The following GMDS variants were observed in gnomAD, a reference collection of about 807,000 sequenced individuals.
The protein encoded by GMDS is GDP-mannose 4,6-dehydratase.
GMDS carries 20 observed loss-of-function variants against 49.9 expected under a neutral mutation model. The observed-to-expected ratio is 0.40, with a 90% CI of 0.28 to 0.58. The LOEUF is 0.58. Ranked by LOEUF, GMDS falls within the 20% of genes least tolerant of loss-of-function variation. The pLI is 0.42. For synonymous variants in GMDS, 177 were observed against 178.6 expected, an observed-to-expected ratio of 0.99 and a Z score of 0.07; for missense variants, 362 against 481.4, an observed-to-expected ratio of 0.75 and a Z score of 2.32.
intron 7 of GMDS, among the ~76,000 whole-genome samples, chr6:1,890,211 T>C (rs1190982185): frequency 6.6e-6 from 1 of 152,100 alleles, no homozygotes; most frequent in East Asian, 1.9e-4. Flanking sequence ...GGTTCCAACA[T>C]CTCCACGTCA....
At position 2,144,138 on chromosome 6, in the gene GMDS, C is replaced by T. The variant is rs1776438301; in HGVS notation, c.103-19407G>A. Among the ~76,000 whole-genome samples the T allele has an allele frequency of 3.9e-5, 6 of 152,112 alleles. No individual in the cohort carries two copies. The South Asian group carries it at 1.2e-3, about 32-fold the overall frequency. On this transcript the variant is annotated intron_variant, in intron 1 of 10. Transcript: ENST00000380815. ...CTTTAGGGAGGGTCCCATAATTATC[C>T]CAATTTTAAGGATGAGGAAATAAAG...
chr6:1,732,720 A>C (rs1472486245), intron 8 of GMDS, among the ~76,000 whole-genome samples: 1 of 152,244 alleles, frequency 6.6e-6, no homozygotes, highest in Non-Finnish European at 1.5e-5. Context: ...GAGCACCCCA[A>C]ACAGCAGAGC....
intron 9 of GMDS, among the ~76,000 whole-genome samples, chr6:1,666,928 C>T (rs1581432581): frequency 6.6e-6 from 1 of 152,200 alleles, no homozygotes; most frequent in Non-Finnish European, 1.5e-5. Flanking sequence ...TAATGGAGCA[C>T]CCTCTGGGGG....
At chr6:2,114,569 T>C (rs1375952681) in intron 4 of GMDS, among the ~76,000 whole-genome samples, 1 of 152,184 alleles carries the variant, frequency 6.6e-6, no homozygotes, top group Non-Finnish European at 1.5e-5. Flanking sequence ...TTTCACAGAC[T>C]TTGGTGAAAG....
At chr6:1,841,259 A>T (rs1206290658) in intron 7 of GMDS, among the ~76,000 whole-genome samples, 1 of 152,224 alleles carries the variant, frequency 6.6e-6, no homozygotes, top group Non-Finnish European at 1.5e-5. Context: ...CTCTCAGAAC[A>T]TCCCAAAATA....
intron 1 of GMDS, among the ~76,000 whole-genome samples, chr6:2,156,292 A>G (rs1180354295): frequency 2.6e-5 from 4 of 152,170 alleles, no homozygotes; most frequent in Non-Finnish European, 4.4e-5. Context: ...TGTCACTCAA[A>G]AAAACACCTT....
chr6:1,982,813 A>G (rs907439451), intron 4 of GMDS, among the ~76,000 whole-genome samples: 1 of 152,226 alleles, frequency 6.6e-6, no homozygotes, highest in African/African-American at 2.4e-5. Context: ...AAAGCAATTT[A>G]TATATTCAAT....
intron 9 of GMDS, among the ~76,000 whole-genome samples, chr6:1,711,286 TAC>T (rs1765952914): frequency 6.6e-6 from 1 of 152,214 alleles, no homozygotes; most frequent in African/African-American, 2.4e-5. Context: ...TGCAGAGTCC[TAC>T]GTTTCCAGGG....
chr6:2,007,747 C>A (rs1256729528), intron 4 of GMDS, among the ~76,000 whole-genome samples: 1 of 152,112 alleles, frequency 6.6e-6, no homozygotes, highest in Non-Finnish European at 1.5e-5. Context: ...AATTTCCTGG[C>A]TTCCAAAGCT....
intron 4 of GMDS, among the ~76,000 whole-genome samples, chr6:2,065,533 A>T (rs1771517092): frequency 6.6e-6 from 1 of 152,180 alleles, no homozygotes; most frequent in Non-Finnish European, 1.5e-5. Flanking sequence ...AAAAATTTAG[A>T]AGAATGTATA....
chr6:2,018,740 T>C (rs950739190), intron 4 of GMDS, among the ~76,000 whole-genome samples: 1 of 152,230 alleles, frequency 6.6e-6, no homozygotes, highest in Non-Finnish European at 1.5e-5. Flanking sequence ...CATCAATAAA[T>C]GAACATTTGT....
chr6:1,646,649 GC>G (rs1474014210), intron 9 of GMDS, among the ~76,000 whole-genome samples: 1 of 152,140 alleles, frequency 6.6e-6, no homozygotes, highest in Non-Finnish European at 1.5e-5. Flanking sequence ...CTCCCAAAGT[GC>G]TGAAATTACA....
At chr6:1,930,295 C>A in intron 6 of GMDS, 65 bp from the exon 7 acceptor site, 1 of 1,427,148 alleles carries the variant, frequency 7.0e-7, no homozygotes, top group African/African-American at 1.4e-5. Context: ...GTTTGGTGAA[C>A]CAAACCCGAT....
chr6:2,174,625 T>TG (rs1286164532), intron 1 of GMDS, among the ~76,000 whole-genome samples: 3 of 152,094 alleles, frequency 2.0e-5, no homozygotes, highest in Admixed American at 2.0e-4. Context: ...TGGAGTGTGG[T>TG]GGTGCGATCT....
intron 1 of GMDS, among the ~76,000 whole-genome samples, chr6:2,130,510 T>C (rs1381832039): frequency 6.6e-6 from 1 of 152,178 alleles, no homozygotes; most frequent in Non-Finnish European, 1.5e-5. Context: ...CGCAAACAGG[T>C]GCTCAGTGGT....
intron 6 of GMDS, among the ~76,000 whole-genome samples, chr6:1,944,944 A>C (rs1348764781): frequency 6.6e-6 from 1 of 152,162 alleles, no homozygotes; most frequent in East Asian, 1.9e-4. Context: ...TACCCTGAAA[A>C]CAAATACATA....
intron 1 of GMDS, among the ~76,000 whole-genome samples, chr6:2,173,286 G>A (rs1338568113): frequency 6.6e-6 from 1 of 152,150 alleles, no homozygotes; most frequent in African/African-American, 2.4e-5. Context: ...AAGAGCAGGA[G>A]GGTAGAAATG....
At chr6:1,906,535 T>C (rs1760783975) in intron 7 of GMDS, among the ~76,000 whole-genome samples, 1 of 152,246 alleles carries the variant, frequency 6.6e-6, no homozygotes, top group South Asian at 2.1e-4. Context: ...GTTATCTGAA[T>C]ACATGCACTC....
chr6:1,679,703 A>G (rs1372214459), intron 9 of GMDS: 1 of 152,226 alleles, frequency 6.6e-6, no homozygotes, highest in Non-Finnish European at 1.5e-5. Context: ...TGTATACGAT[A>G]TTTTGATAAT....
Sources: allele counts gnomAD v4.1 joint callset (sites outside exome capture counted in the v4.1 genomes callset), GRCh38; gene constraint gnomAD v4.1.1; transcripts MANE v1.5; gene names NCBI Gene and HGNC (gene_info 2026-07-23, HGNC 2026-07-21).